The following EPHA5 variants were observed in gnomAD, a reference collection of about 807,000 sequenced individuals.
EPHA5 encodes EPH receptor A5, also known as ephrin type-A receptor 5.
In EPHA5, 60 loss-of-function variants were observed where a neutral mutation model predicts 105.0. The ratio of observed to expected loss-of-function variants is 0.57; its 90% CI spans 0.46 to 0.71. EPHA5 has a LOEUF of 0.71. Ranked by LOEUF, EPHA5 falls within the 30% of genes least tolerant of loss-of-function variation. The pLI, the probability that EPHA5 is intolerant of heterozygous loss-of-function variation, is 0.00. For synonymous variants in EPHA5, 513 were observed against 449.1 expected (o/e 1.14, Z -1.80); for missense variants, 1,218 against 1,274.7 (o/e 0.96, Z 0.68).
intron 2 of EPHA5, among the ~76,000 whole-genome samples, chr4:65,624,955 T>G (rs1746005073): frequency 6.6e-6 from 1 of 152,152 alleles, no homozygotes; most frequent in South Asian, 2.1e-4. Context: ...TGAGTGCTAG[T>G]GTTAAAAAGA....
chr4:65,504,925 G>A (rs189316614), intron 3 of EPHA5, among the ~76,000 whole-genome samples: 8 of 151,956 alleles, frequency 5.3e-5, no homozygotes, highest in East Asian at 3.9e-4. Context: ...ATAAATTTAC[G>A]TTTTTATTTT....
chr4:65,649,249 C>G (rs1410134265), intron 1 of EPHA5, among the ~76,000 whole-genome samples: 1 of 152,160 alleles, frequency 6.6e-6, no homozygotes, highest in Non-Finnish European at 1.5e-5. Context: ...ATGAGCACTG[C>G]TTATTGTTTC....
At chr4:65,593,011 C>T (rs1742824716) in intron 3 of EPHA5, among the ~76,000 whole-genome samples, 1 of 152,122 alleles carries the variant, frequency 6.6e-6, no homozygotes, top group Admixed American at 6.5e-5. Flanking sequence ...AAACAAACAG[C>T]TAATTTATAC....
intron 2 of EPHA5, among the ~76,000 whole-genome samples, chr4:65,629,966 T>A (rs917310814): frequency 6.6e-6 from 1 of 152,078 alleles, no homozygotes; most frequent in Non-Finnish European, 1.5e-5. Context: ...AGCAAAGAAA[T>A]CTGGTCTGCA....
intron 8 of EPHA5, among the ~76,000 whole-genome samples, chr4:65,373,826 G>A (rs537264915): frequency 1.3e-5 from 2 of 151,900 alleles, no homozygotes; most frequent in African/African-American, 2.4e-5. Flanking sequence ...TCCCTCAGAG[G>A]ATGGAGTAAA....
intron 3 of EPHA5, among the ~76,000 whole-genome samples, chr4:65,541,202 A>G (rs891087018): frequency 6.6e-6 from 1 of 151,620 alleles, no homozygotes; most frequent in African/African-American, 2.4e-5. Flanking sequence ...AACTAGTGTG[A>G]AAAATAACTA....
intron 2 of EPHA5, among the ~76,000 whole-genome samples, chr4:65,628,312 A>G (rs557698623): frequency 3.6e-4 from 55 of 152,236 alleles, no homozygotes; most frequent in African/African-American, 1.2e-3. Flanking sequence ...TTCAAAGGAC[A>G]GCACAATACA....
At chr4:65,648,396 G>A (rs1748312825) in intron 1 of EPHA5, among the ~76,000 whole-genome samples, 1 of 152,164 alleles carries the variant, frequency 6.6e-6, no homozygotes, top group Non-Finnish European at 1.5e-5. Context: ...AGTGTTTTCA[G>A]ACTTTGAAGA....
At position 65,490,588 on chromosome 4, in the gene EPHA5, C is replaced by T. The variant is rs1180698265; in HGVS notation, c.1191G>A (p.Lys397=). Reference sequence around the variant, plus strand: ...CACACACACCTGCATGGGAGTTGCACTTCTTGCATGCAATATAATATGACA... The same window carrying T: ...CACACACACCTGCATGGGAGTTGCATTTCTTGCATGCAATATAATATGACA... ...KDVSYYIACK[K]CNSHAGVCEE... is the part of the protein sequence containing the mutation. Residue 397 remains lysine (K), a synonymous_variant, in exon 5 of 17, where the codon AAG becomes AAA. Transcript: ENST00000613740. 1 of 1,614,156 alleles carries T rather than the reference C, an allele frequency of 6.2e-7. No homozygotes were observed. The highest frequency in any genetic ancestry group is 8.5e-7 in the Non-Finnish European group (1 of 1,180,022).
At position 65,383,252 on chromosome 4, in the gene EPHA5, C is replaced by T. The variant is rs550709059; in HGVS notation, c.1794-15828G>A. Among the ~76,000 whole-genome samples the T allele has an allele frequency of 1.3e-4, 19 of 145,524 alleles. No individual in the cohort carries two copies. In the South Asian group the frequency reaches 4.0e-3, roughly 30 times the overall value. ...ACACACACACACACACACACATATA[C>T]ATTAATCAGGTCCAATTCCATTAAG... On this transcript the variant is annotated intron_variant, in intron 8 of 16. Coordinates refer to ENST00000613740, the MANE Select transcript of EPHA5 (RefSeq NM_001281766.3).
At chr4:65,639,604 C>T (rs1747459775) in intron 2 of EPHA5, among the ~76,000 whole-genome samples, 1 of 152,154 alleles carries the variant, frequency 6.6e-6, no homozygotes, top group Non-Finnish European at 1.5e-5. Flanking sequence ...TGCTGAGTTT[C>T]CTGAATGTGT....
chr4:65,378,114 G>A (rs1465004640), intron 8 of EPHA5, among the ~76,000 whole-genome samples: 1 of 151,784 alleles, frequency 6.6e-6, no homozygotes, highest in Admixed American at 6.6e-5. Context: ...AAATTCCAAT[G>A]GATCTTTTCA....
At chr4:65,386,360 A>G (rs1009812391) in intron 8 of EPHA5, among the ~76,000 whole-genome samples, 1 of 152,128 alleles carries the variant, frequency 6.6e-6, no homozygotes, top group South Asian at 2.1e-4. Context: ...TAGGTTGTGA[A>G]CTACCAATAT....
rs376646200 is a variant in EPHA5, at chr4:65,388,881, T to C, written c.1793+15493A>G. ...TGCTTTTGGTGTTTTAGGCATGAAG[T>C]CCTTGCCCATGCCTATGTCCTGAAT... On this transcript the variant is annotated intron_variant, in intron 8 of 16. Transcript: ENST00000613740. 3.1e-4 allele frequency among the ~76,000 whole-genome samples: 47 copies of C among 152,092 alleles called. No homozygotes were observed. In the East Asian group the frequency reaches 3.9e-3, roughly 13 times the overall value.
At position 65,616,011 on chromosome 4, in the gene EPHA5, T is replaced by C. The variant is rs540436793; in HGVS notation, c.247-13707A>G. Reference sequence around the variant, plus strand: ...ATGTTCATAGCAGTTTTGTTTATGGTAGCCGAAAACTGGAATCAGCCTATG... The same window carrying C: ...ATGTTCATAGCAGTTTTGTTTATGGCAGCCGAAAACTGGAATCAGCCTATG... On this transcript the variant is annotated intron_variant, in intron 2 of 16. Coordinates refer to ENST00000613740, the MANE Select transcript of EPHA5 (RefSeq NM_001281766.3). Among the ~76,000 whole-genome samples the C allele has an allele frequency of 3.3e-5, 5 of 152,116 alleles. No individual in the cohort carries two copies. The South Asian group carries it at 1.0e-3, about 32-fold the overall frequency.
intron 12 of EPHA5, among the ~76,000 whole-genome samples, 193 bp from the exon 13 acceptor site, chr4:65,351,791 T>C (rs1722844907): frequency 6.6e-6 from 1 of 151,992 alleles, no homozygotes; most frequent in Admixed American, 6.6e-5. Flanking sequence ...CTCTGCTTGG[T>C]CAAAGCAGAT....
intron 3 of EPHA5, among the ~76,000 whole-genome samples, chr4:65,533,452 G>T (rs1164828816): frequency 6.6e-6 from 1 of 152,076 alleles, no homozygotes; most frequent in African/African-American, 2.4e-5. Flanking sequence ...CACAAAAATG[G>T]AAGTGTCTGA....
chr4:65,454,485 A>T (rs1449665374), intron 5 of EPHA5, among the ~76,000 whole-genome samples: 1 of 152,188 alleles, frequency 6.6e-6, no homozygotes, highest in Non-Finnish European at 1.5e-5. Context: ...AAAGGCAAAG[A>T]ATAGTGTAAA....
intron 5 of EPHA5, among the ~76,000 whole-genome samples, chr4:65,424,615 C>A (rs988014897): frequency 6.6e-6 from 1 of 151,966 alleles, no homozygotes; most frequent in African/African-American, 2.4e-5. Context: ...GAATTTTCCA[C>A]AATTCTTTAA....
Sources: gnomAD v4.1 joint callset for allele counts (sites outside exome capture counted in the v4.1 genomes callset) on GRCh38, gnomAD v4.1.1 for gene constraint, MANE v1.5 for transcripts, NCBI Gene and HGNC (gene_info 2026-07-23, HGNC 2026-07-21) for gene names.